The following ZNF385D variants were observed in gnomAD, a reference collection of about 807,000 sequenced individuals.
ZNF385D encodes the protein zinc finger protein 659.
In ZNF385D, 15 loss-of-function variants were observed where a neutral mutation model predicts 35.8. That is an observed-to-expected ratio of 0.42 (90% CI 0.28 to 0.64). The LOEUF is 0.64. ZNF385D is among the 30% of genes least tolerant of loss of function. The pLI, the probability that ZNF385D is intolerant of heterozygous loss-of-function variation, is 0.23. For missense variants in ZNF385D, 474 were observed against 494.6 expected, an observed-to-expected ratio of 0.96 and a Z score of 0.39; for synonymous variants, 212 against 186.8, an observed-to-expected ratio of 1.13 and a Z score of -1.10.
chr3:22,019,034 C>CTTTTTTTTTTTTTTTTTTTTTTTTTTTTT (rs11380195), intron 3 of ZNF385D, among the ~76,000 whole-genome samples: 2 of 64,460 alleles, frequency 3.1e-5, no homozygotes, highest in Non-Finnish European at 5.6e-5. Context: ...AGTTATTTAC[C>CTTTTTTTTTTTTTTTTTTTTTTTTTTTTT]TTTTTTTTTT....
chr3:21,415,107 T>C lies in ZNF385D; in HGVS notation c.*6107A>G, dbSNP rs1700543492. On this transcript the variant is annotated 3_prime_UTR_variant, in exon 8 of 8. Coordinates refer to ENST00000281523, the MANE Select transcript of ZNF385D (RefSeq NM_024697.3). The stretch of plus-strand genomic sequence containing the variant: ...ACACTTCACTATAGCTTTAAAACTC[T>C]CTGACATCATTGTTTCTCAATAGAT... The C allele has an allele frequency of 6.6e-6, 1 of 152,166 alleles. No individual in the cohort carries two copies. Among genetic ancestry groups the C allele is most frequent in the South Asian group, 2.1e-4 (1 of 4,834 alleles). 9.4% of individuals were successfully genotyped at this position (152,166 alleles called of 1,614,324 possible).
intron 3 of ZNF385D, among the ~76,000 whole-genome samples, chr3:21,921,219 T>A (rs1467156988): frequency 5.9e-5 from 3 of 51,178 alleles, no homozygotes; most frequent in African/African-American, 8.6e-5. Context: ...CGAGACTCCA[T>A]CTCAAAAAAA....
At chr3:21,743,173 C>A (rs2069600864) in intron 1 of ZNF385D, among the ~76,000 whole-genome samples, 1 of 152,192 alleles carries the variant, frequency 6.6e-6, no homozygotes, top group Non-Finnish European at 1.5e-5. Flanking sequence ...ACTTATCAGT[C>A]ATGGAACAAA....
At chr3:21,978,328 C>G (rs1576065051) in intron 3 of ZNF385D, 1 of 152,200 alleles carries the variant, frequency 6.6e-6, no homozygotes, top group South Asian at 2.1e-4. Context: ...CTATCTGTTA[C>G]TGGTATGATC....
At chr3:22,343,878 T>C (rs1415028831) in intron 2 of ZNF385D, among the ~76,000 whole-genome samples, 1 of 152,138 alleles carries the variant, frequency 6.6e-6, no homozygotes, top group Non-Finnish European at 1.5e-5. Context: ...TGCTTATTAA[T>C]TCCCCAACTA....
At chr3:22,037,088 C>G (rs1428440519) in intron 3 of ZNF385D, among the ~76,000 whole-genome samples, 1 of 152,074 alleles carries the variant, frequency 6.6e-6, no homozygotes. Context: ...ATATGTGCCA[C>G]ATTTTCTTAA....
At chr3:22,127,214 A>G (rs1364838876) in intron 3 of ZNF385D, among the ~76,000 whole-genome samples, 2 of 129,704 alleles carry the variant, frequency 1.5e-5, no homozygotes, top group African/African-American at 5.9e-5. Flanking sequence ...ACATTTTGTT[A>G]TTTCTTTTCT....
intron 1 of ZNF385D, among the ~76,000 whole-genome samples, chr3:21,738,884 T>C (rs191834363): frequency 1.3e-5 from 2 of 152,366 alleles, no homozygotes; most frequent in Admixed American, 6.5e-5. Flanking sequence ...TTCTGCTTTG[T>C]TGTTCATTTG....
intron 3 of ZNF385D, among the ~76,000 whole-genome samples, chr3:21,885,405 T>C (rs1698489196): frequency 6.6e-6 from 1 of 151,976 alleles, no homozygotes; most frequent in Non-Finnish European, 1.5e-5. Context: ...TGTGACACAA[T>C]TGTTAGCAAC....
intron 4 of ZNF385D, among the ~76,000 whole-genome samples, chr3:21,472,531 C>G (rs1224539740): frequency 6.6e-6 from 1 of 152,108 alleles, no homozygotes; most frequent in Non-Finnish European, 1.5e-5. Flanking sequence ...ATCAAAAAGT[C>G]CTCTTGTTTC....
At chr3:21,994,924 G>A (rs1603662) in intron 3 of ZNF385D, among the ~76,000 whole-genome samples, 3 of 152,206 alleles carry the variant, frequency 2.0e-5, no homozygotes, top group Non-Finnish European at 4.4e-5. Context: ...GGCACTAGTG[G>A]CAACAGCAGT....
At chr3:21,615,588 C>T (rs1411257804) in intron 2 of ZNF385D, among the ~76,000 whole-genome samples, 1 of 151,992 alleles carries the variant, frequency 6.6e-6, no homozygotes, top group African/African-American at 2.4e-5. Flanking sequence ...TATTCTCACC[C>T]CAATGTTCTT....
At chr3:22,199,179 G>A (rs535415009) in intron 2 of ZNF385D, among the ~76,000 whole-genome samples, 3 of 152,060 alleles carry the variant, frequency 2.0e-5, no homozygotes, top group Non-Finnish European at 4.4e-5. Context: ...GCCATTTTAA[G>A]GTCTGAAGTT....
At chr3:22,215,290 C>T (rs894918727) in intron 2 of ZNF385D, among the ~76,000 whole-genome samples, 3 of 152,006 alleles carry the variant, frequency 2.0e-5, no homozygotes, top group Admixed American at 1.3e-4. Flanking sequence ...AGAGAGATAA[C>T]CTTAAACTCT....
intron 3 of ZNF385D, among the ~76,000 whole-genome samples, chr3:21,887,148 T>G (rs1480918817): frequency 6.6e-6 from 1 of 152,110 alleles, no homozygotes; most frequent in African/African-American, 2.4e-5. Context: ...TTTGAGAAAT[T>G]TGTATGAGGA....
At chr3:21,627,684 C>CAATA (rs1303569106) in intron 2 of ZNF385D, among the ~76,000 whole-genome samples, 1 of 151,972 alleles carries the variant, frequency 6.6e-6, no homozygotes, top group Non-Finnish European at 1.5e-5. Context: ...AGGCAATGTG[C>CAATA]AATAGTATGT....
intron 3 of ZNF385D, among the ~76,000 whole-genome samples, chr3:21,816,093 C>A (rs369175401): frequency 6.6e-6 from 1 of 151,996 alleles, no homozygotes; most frequent in Non-Finnish European, 1.5e-5. Context: ...CGATTATCTC[C>A]ATAGATGCAG....
At chr3:21,980,231 C>G (rs1694352191) in intron 3 of ZNF385D, among the ~76,000 whole-genome samples, 1 of 152,096 alleles carries the variant, frequency 6.6e-6, no homozygotes, top group South Asian at 2.1e-4. Context: ...TCCTCCAGCC[C>G]CAGTCAAGCT....
chr3:21,462,345 T>C (rs1017437105), intron 4 of ZNF385D, among the ~76,000 whole-genome samples: 1 of 152,088 alleles, frequency 6.6e-6, no homozygotes, highest in East Asian at 1.9e-4. Flanking sequence ...CAGACATTCA[T>C]CATAGAACCA....
Sources: allele counts gnomAD v4.1 joint callset (sites outside exome capture counted in the v4.1 genomes callset), GRCh38; gene constraint gnomAD v4.1.1; transcripts MANE v1.5; gene names NCBI Gene and HGNC (gene_info 2026-07-23, HGNC 2026-07-21).